TRPC4AP: variants seen among roughly 807,000 people sequenced by gnomAD.
TRPC4AP encodes the protein short transient receptor potential channel 4-associated protein.
In TRPC4AP, 45 loss-of-function variants were observed where a neutral mutation model predicts 99.0. The ratio of observed to expected loss-of-function variants is 0.45; its 90% CI spans 0.36 to 0.58. TRPC4AP has a LOEUF of 0.58. Among genes scored for constraint, TRPC4AP ranks in the 20% least tolerant of loss-of-function variants. TRPC4AP has a pLI of 0.00. For missense variants in TRPC4AP, 879 were observed against 985.3 expected (o/e 0.89, Z 1.44); for synonymous variants, 408 against 385.8 (o/e 1.06, Z -0.67).
chr20:35,042,735 C>T (rs117136769), intron 7 of TRPC4AP, among the ~76,000 whole-genome samples: 19 of 152,296 alleles, frequency 1.2e-4, no homozygotes, highest in Non-Finnish European at 1.6e-4. Flanking sequence ...CCAGTTTCTC[C>T]AAAATCTGTG....
At chr20:35,083,836 A>G (rs2084721011) in intron 1 of TRPC4AP, among the ~76,000 whole-genome samples, 1 of 151,852 alleles carries the variant, frequency 6.6e-6, no homozygotes, top group Non-Finnish European at 1.5e-5. Flanking sequence ...AGAAAGAAAA[A>G]TGCTCTGGAT....
intron 11 of TRPC4AP, among the ~76,000 whole-genome samples, chr20:35,011,235 C>T (rs1186430908): frequency 6.6e-6 from 1 of 152,052 alleles, no homozygotes; most frequent in Admixed American, 6.5e-5. Context: ...CCAGCCTGGG[C>T]AATAGAGCAA....
At chr20:35,075,364 A>C (rs1279222650) in intron 2 of TRPC4AP, among the ~76,000 whole-genome samples, 1 of 152,122 alleles carries the variant, frequency 6.6e-6, no homozygotes, top group Non-Finnish European at 1.5e-5. Flanking sequence ...GAAGGTCTTT[A>C]CAATTTGGCA....
intron 8 of TRPC4AP, among the ~76,000 whole-genome samples, chr20:35,030,871 T>A (rs1251132394): frequency 6.6e-6 from 1 of 152,236 alleles, no homozygotes; most frequent in African/African-American, 2.4e-5. Context: ...GTGCTCTTTG[T>A]TTTTCATGTG....
chr20:35,078,360 A>G (rs1476432156), intron 1 of TRPC4AP, among the ~76,000 whole-genome samples, 186 bp from the exon 2 acceptor site: 1 of 152,234 alleles, frequency 6.6e-6, no homozygotes, highest in Non-Finnish European at 1.5e-5. Context: ...CTATGTTATA[A>G]TAAGAAGGAG....
rs2083188515 is a variant in TRPC4AP, at chr20:35,031,347, T to C, written c.1051+3776A>G. ...AGGTGATTGTCCCATCTCAGTCTCC[T>C]GAGTAGCTGGGATTACAGGTGTGCA... On this transcript the variant is annotated intron_variant, in intron 8 of 18. Coordinates refer to ENST00000252015, the MANE Select transcript of TRPC4AP (RefSeq NM_015638.3). Among the ~76,000 whole-genome samples the C allele has an allele frequency of 2.0e-5, 3 of 151,030 alleles. No homozygotes were observed. In the Admixed American group the frequency reaches 2.0e-4, roughly 10 times the overall value.
In TRPC4AP at chr20:35,059,281, T is replaced by TA. The variant is rs143458044; in HGVS notation, c.415-1711dup. Among the ~76,000 whole-genome samples, 803 of 152,318 alleles carry TA rather than the reference T, an allele frequency of 5.3e-3. 5 individuals carry two copies. The highest frequency in any genetic ancestry group is 0.017 in the African/African-American group (714 of 41,572). ...AACAAAAGTGATTATAAGGAACTAC[T>TA]ATGAACAACTGTATGCCAACAAATT... On this transcript the variant is annotated intron_variant, in intron 3 of 18. Coordinates refer to ENST00000252015, the MANE Select transcript of TRPC4AP (RefSeq NM_015638.3).
chr20:35,015,619 T>C (rs1194818782), intron 10 of TRPC4AP, among the ~76,000 whole-genome samples: 1 of 151,802 alleles, frequency 6.6e-6, no homozygotes, highest in African/African-American at 2.4e-5. Flanking sequence ...CCCAACACCA[T>C]ACCTGGCCAA....
At chr20:35,077,165 T>C (rs754566589) in intron 2 of TRPC4AP, among the ~76,000 whole-genome samples, 2 of 152,160 alleles carry the variant, frequency 1.3e-5, no homozygotes, top group East Asian at 3.9e-4. Flanking sequence ...CCATCTGTCA[T>C]GGCTTCCCTT....
rs190846123 is a variant in TRPC4AP, at chr20:35,024,529, T to C, written c.1052-3173A>G. Among the ~76,000 whole-genome samples, 20 of 152,248 alleles carry C rather than the reference T, an allele frequency of 1.3e-4. No homozygotes were observed. The East Asian group carries it at 3.7e-3, about 28-fold the overall frequency. On this transcript the variant is annotated intron_variant, in intron 8 of 18. Coordinates refer to ENST00000252015, the MANE Select transcript of TRPC4AP (RefSeq NM_015638.3). ...GCTGAATAATATCCGCTAGTATAAATATATCACATTCTGGCTTGGTACAGT... is the reference window on the plus strand; with the variant it reads ...GCTGAATAATATCCGCTAGTATAAACATATCACATTCTGGCTTGGTACAGT...
At chr20:35,047,865 T>C (rs778028750) in intron 6 of TRPC4AP, among the ~76,000 whole-genome samples, 8 of 152,114 alleles carry the variant, frequency 5.3e-5, no homozygotes, top group East Asian at 1.9e-4. Context: ...AGGTAACCCA[T>C]GGCAAAATAC....
chr20:35,086,880 A>G lies in TRPC4AP; in HGVS notation c.168+5734T>C, dbSNP rs542319278. Among the ~76,000 whole-genome samples, 99 of 152,046 alleles carry G rather than the reference A, an allele frequency of 6.5e-4. 1 individual carries two copies. Among genetic ancestry groups the G allele is most frequent in the African/African-American group, 2.1e-3 (89 of 41,468 alleles). On this transcript the variant is annotated intron_variant, in intron 1 of 18. Coordinates refer to ENST00000252015, the MANE Select transcript of TRPC4AP (RefSeq NM_015638.3). The stretch of plus-strand genomic sequence containing the variant: ...AAACCCTGTCTTTACTAAAAATACA[A>G]AAAGTAGCCGGGCATGGTGGCACAT...
At position 35,075,214 on chromosome 20, in the gene TRPC4AP, A is replaced by T. The variant is rs1439260742; in HGVS notation, c.297+2832T>A. On this transcript the variant is annotated intron_variant, in intron 2 of 18. Coordinates refer to ENST00000252015, the MANE Select transcript of TRPC4AP (RefSeq NM_015638.3). ...CTGATGGGTCTAGACTCTTTATCCAATTTGCCAGTCTGTCTTTTAACTGGA... is the reference window on the plus strand; with the variant it reads ...CTGATGGGTCTAGACTCTTTATCCATTTTGCCAGTCTGTCTTTTAACTGGA... 2.0e-5 allele frequency among the ~76,000 whole-genome samples: 3 copies of T among 152,030 alleles called. No homozygotes were observed. In the East Asian group the frequency reaches 5.8e-4, roughly 29 times the overall value.
chr20:35,066,395 C>T (rs972768413), intron 3 of TRPC4AP, among the ~76,000 whole-genome samples: 16 of 152,202 alleles, frequency 1.1e-4, no homozygotes, highest in African/African-American at 3.9e-4. Flanking sequence ...GCATGAGTCA[C>T]TGTACCTGGC....
In TRPC4AP at chr20:35,021,273, T is replaced by C. The variant is rs147516805; in HGVS notation, c.1135A>G (p.Met379Val). 2.1e-5 allele frequency: 34 copies of C among 1,614,014 alleles called. No homozygotes were observed. The East Asian group carries it at 2.5e-4, about 12-fold the overall frequency. ...TSARTQLPQS[M>V]KIMHEIMYKL... Reference sequence around the variant, plus strand: ...TACATGATCTCATGCATAATCTTCATTGACTGGGGCAGCTGGGTTCTGGCT... The same window carrying C: ...TACATGATCTCATGCATAATCTTCACTGACTGGGGCAGCTGGGTTCTGGCT... Residue 379 changes from methionine (M) to valine (V), a missense_variant, in exon 9 of 19, where the codon ATG (methionine) becomes GTG (valine). Physicochemically the swap from Met to Val is conservative, Grantham distance 21 (BLOSUM62 1). This residue lies in a region of TRPC4AP where 603 missense variants were observed against 631.8 expected (regional missense o/e 0.95). Coordinates refer to ENST00000252015, the MANE Select transcript of TRPC4AP (RefSeq NM_015638.3).
At chr20:35,041,886 C>A (rs2083452967) in intron 7 of TRPC4AP, among the ~76,000 whole-genome samples, 2 of 152,176 alleles carry the variant, frequency 1.3e-5, no homozygotes, top group South Asian at 4.1e-4. Context: ...TAAATAAAAT[C>A]ACTTCTAGGT....
At chr20:35,054,778 TA>T (rs1339410999) in intron 5 of TRPC4AP, among the ~76,000 whole-genome samples, 197 bp downstream of exon 5, 2 of 152,212 alleles carry the variant, frequency 1.3e-5, no homozygotes, top group East Asian at 3.8e-4. Context: ...TCCTGGCTCT[TA>T]ACAACTGCTA....
chr20:35,072,690 T>C (rs762185480), intron 2 of TRPC4AP, among the ~76,000 whole-genome samples: 4 of 152,236 alleles, frequency 2.6e-5, no homozygotes, highest in Non-Finnish European at 5.9e-5. Context: ...AGTAGCCTTG[T>C]AGTATAGTTT....
At chr20:35,088,629 A>C in intron 1 of TRPC4AP, among the ~76,000 whole-genome samples, 1 of 152,212 alleles carries the variant, frequency 6.6e-6, no homozygotes. Flanking sequence ...TAACAACTTT[A>C]TGGGATAGAT....
Sources: gnomAD v4.1 joint callset for allele counts (sites outside exome capture counted in the v4.1 genomes callset) on GRCh38, gnomAD v4.1.1 for gene constraint, gnomAD v4.1.1 regional missense constraint, MANE v1.5 for transcripts, NCBI Gene and HGNC (gene_info 2026-07-23, HGNC 2026-07-21) for gene names.